The following SSTR5 variants were observed in gnomAD, a reference collection of about 807,000 sequenced individuals.
SSTR5 encodes the protein somatostatin receptor 5, also known as somatostatin receptor type 5.
A neutral mutation model predicts 0.3 loss-of-function variants in SSTR5; 1 was observed. The ratio of observed to expected loss-of-function variants is 2.98; its 90% CI spans 1.06 to 14.15. The LOEUF is 14.15. Among genes scored for constraint, SSTR5 ranks in the 30% most tolerant of loss-of-function variants. The pLI is 0.12. For synonymous variants in SSTR5, 256 were observed against 263.1 expected (o/e 0.97, Z 0.26); for missense variants, 516 against 543.2 (o/e 0.95, Z 0.50).
rs1350573646 is a variant in SSTR5, at chr16:1,080,352, C to T, written c.*389C>T. Among the ~76,000 whole-genome samples, 1 of 152,230 alleles carries T rather than the reference C, an allele frequency of 6.6e-6. No homozygotes were observed. The highest frequency in any genetic ancestry group is 2.4e-5 in the African/African-American group (1 of 41,458). ...TTCCTGACGGCGGAGCTGACCTGCC[C>T]GGCCCACCAGCTGCATGTCAGCTCC... On this transcript the variant is annotated 3_prime_UTR_variant, in exon 2 of 2. Coordinates refer to ENST00000689027, the MANE Select transcript of SSTR5 (RefSeq NM_001172560.3).
rs1212650556 is a variant in SSTR5, at chr16:1,079,978, G to A, written c.*15G>A. 2 of 1,584,430 alleles carry A rather than the reference G, an allele frequency of 1.3e-6. No homozygotes were observed. The highest frequency in any genetic ancestry group is 1.8e-5 in the Admixed American group (1 of 56,166). On this transcript the variant is annotated 3_prime_UTR_variant, in exon 2 of 2. Transcript: ENST00000689027. ...GCAAGCTGTGAGAGTGCAGGCGGGG[G>A]GTGGGCGGCCCCGTGTCACCCCCAG...
In SSTR5 at chr16:1,080,205, T is replaced by TG. The variant is rs920629744; in HGVS notation, c.*248dup. The TG allele has an allele frequency of 6.0e-5, 33 of 551,502 alleles. No individual in the cohort carries two copies. The highest frequency in any genetic ancestry group is 8.3e-5 in the Non-Finnish European group (26 of 314,048). The allele number at this position is 551,502 out of a possible 1,614,324, so 34.2% of individuals were successfully genotyped here. A position where few individuals can be genotyped will look rare whatever the true frequency, so the allele number is the denominator to read the frequency against. On this transcript the variant is annotated 3_prime_UTR_variant, in exon 2 of 2. Coordinates refer to ENST00000689027, the MANE Select transcript of SSTR5 (RefSeq NM_001172560.3). Reference sequence around the variant, plus strand: ...GAGGTAGGGGAGGTGGCCAGACCGGTGGGGGGCTCCGCCATGCCGTGCAAG... The same window carrying TG: ...GAGGTAGGGGAGGTGGCCAGACCGGTGGGGGGGCTCCGCCATGCCGTGCAAG...
In SSTR5 at chr16:1,079,019, T is replaced by C. The variant is rs1960281669; in HGVS notation, c.151T>C (p.Cys51Arg). Reference sequence around the variant, plus strand: ...GGTGCCCGTGCTGTACCTGCTGGTGTGTGCGGCCGGGCTGGGCGGGAACAC... The same window carrying C: ...GGTGCCCGTGCTGTACCTGCTGGTGCGTGCGGCCGGGCTGGGCGGGAACAC... The part of the protein sequence containing the change: ...VLVPVLYLLV[C>R]AAGLGGNTLV... The change falls in exon 2 of 2, where the codon TGT (cysteine) becomes CGT (arginine). Residue 51 changes from cysteine (C) to arginine (R), a missense_variant. Physicochemically the swap from Cys to Arg is radical, Grantham distance 180 (BLOSUM62 -3). Coordinates refer to ENST00000689027, the MANE Select transcript of SSTR5 (RefSeq NM_001172560.3). 4.4e-6 allele frequency: 7 copies of C among 1,604,670 alleles called. No individual in the cohort carries two copies. The highest frequency in any genetic ancestry group is 1.1e-5 in the South Asian group (1 of 90,408).
At chr16:1,075,579 C>T (rs968794007) in intron 1 of SSTR5, among the ~76,000 whole-genome samples, 29 of 152,138 alleles carry the variant, frequency 1.9e-4, no homozygotes, top group African/African-American at 6.0e-4. Flanking sequence ...GTCCCACCAT[C>T]GGTGGCTCCT....
intron 1 of SSTR5, among the ~76,000 whole-genome samples, chr16:1,074,964 G>A (rs573559221): frequency 2.0e-5 from 3 of 152,302 alleles, no homozygotes; most frequent in African/African-American, 4.8e-5. Context: ...GTGGTCAGGG[G>A]CCGGGGTCTC....
In SSTR5 at chr16:1,079,845, G is replaced by T; in HGVS notation, c.977G>T (p.Gly326Val). ...GTTCTGTGCCTCCGCAAGGGCTCTG[G>T]TGCCAAGGACGCTGACGCCACGGAG... The part of the protein sequence containing the change: ...QKVLCLRKGS[G>V]AKDADATEPR... Residue 326 changes from glycine to valine, a missense_variant, in exon 2 of 2, where the codon GGT becomes GTT. By Grantham distance (109) the Gly-to-Val change is moderately radical (BLOSUM62 -3). Coordinates refer to ENST00000689027, the MANE Select transcript of SSTR5 (RefSeq NM_001172560.3). 6.2e-7 allele frequency: 1 copy of T among 1,611,830 alleles called. No homozygotes were observed.
At position 1,080,939 on chromosome 16, in the gene SSTR5, C is replaced by T. The variant is rs556054930; in HGVS notation, c.*976C>T. 4.0e-5 allele frequency: 17 copies of T among 423,678 alleles called. No individual in the cohort carries two copies. The highest frequency in any genetic ancestry group is 1.4e-4 in the South Asian group (8 of 58,532). 26.2% of individuals were successfully genotyped at this position (423,678 alleles called of 1,614,324 possible). On this transcript the variant is annotated 3_prime_UTR_variant, in exon 2 of 2. Coordinates refer to ENST00000689027, the MANE Select transcript of SSTR5 (RefSeq NM_001172560.3). Reference sequence around the variant, plus strand: ...AGGGGCTCTGGCCCGGGAGAGGGAACGGGGACAGGAGCAGAGGACGGTCAT... The same window carrying T: ...AGGGGCTCTGGCCCGGGAGAGGGAATGGGGACAGGAGCAGAGGACGGTCAT...
At position 1,079,140 on chromosome 16, in the gene SSTR5, TGGG is replaced by T; in HGVS notation, c.274_276del (p.Gly92del). 1 of 1,612,676 alleles carries T rather than the reference TGGG, an allele frequency of 6.2e-7. No homozygotes were observed. Among genetic ancestry groups the T allele is most frequent in the Non-Finnish European group, 8.5e-7 (1 of 1,179,948 alleles). ...GCAGTGGCCGACGTCCTGTACATGC[TGGG>T]GCTGCCTTTCCTGGCCACGCAGAAC... On this transcript the variant is annotated inframe_deletion, in exon 2 of 2. Transcript: ENST00000689027.
Position 1,080,385 on chromosome 16 carries a change from C to T in SSTR5, c.*422C>T, listed in dbSNP as rs1194205469. Among the ~76,000 whole-genome samples, 2 of 152,244 alleles carry T rather than the reference C, an allele frequency of 1.3e-5. No individual in the cohort carries two copies. Among genetic ancestry groups the T allele is most frequent in the Admixed American group, 6.5e-5 (1 of 15,294 alleles). On this transcript the variant is annotated 3_prime_UTR_variant, in exon 2 of 2. Coordinates refer to ENST00000689027, the MANE Select transcript of SSTR5 (RefSeq NM_001172560.3). ...CAGCTGCATGTCAGCTCCGAGCCACCGGGTCCCCGTCCAAGGCTGCTCTGC... is the reference window on the plus strand; with the variant it reads ...CAGCTGCATGTCAGCTCCGAGCCACTGGGTCCCCGTCCAAGGCTGCTCTGC...
intron 1 of SSTR5, among the ~76,000 whole-genome samples, chr16:1,075,963 C>T: frequency 9.0e-5 from 1 of 11,104 alleles, no homozygotes; most frequent in Non-Finnish European, 2.2e-4. Context: ...CCCCACCTCC[C>T]CCTCTCTCTC....
intron 1 of SSTR5, among the ~76,000 whole-genome samples, chr16:1,074,825 A>T (rs1960161204): frequency 6.6e-6 from 1 of 152,110 alleles, no homozygotes; most frequent in South Asian, 2.1e-4. Context: ...TGCACGCAGC[A>T]CCCTGCACAC....
chr16:1,079,665 C>CCGTCAACAT lies in SSTR5; in HGVS notation c.805_813dup (p.Ile269_Asn271dup), dbSNP rs1289055648. On this transcript the variant is annotated inframe_insertion, in exon 2 of 2. Transcript: ENST00000689027. ...GCGGGATGTTGGCTGCCCTTCTTCACCGTCAACATCGTCAACCTGGCCGTG... is the reference window on the plus strand; with the variant it reads ...GCGGGATGTTGGCTGCCCTTCTTCACCGTCAACATCGTCAACATCGTCAACCTGGCCGTG... The CCGTCAACAT allele has an allele frequency of 6.8e-6, 11 of 1,612,512 alleles. No individual in the cohort carries two copies. Among genetic ancestry groups the CCGTCAACAT allele is most frequent in the Non-Finnish European group, 1.7e-6 (2 of 1,179,782 alleles).
intron 1 of SSTR5, among the ~76,000 whole-genome samples, chr16:1,075,279 G>A (rs943601692): frequency 6.6e-6 from 1 of 152,210 alleles, no homozygotes; most frequent in African/African-American, 2.4e-5. Flanking sequence ...CTGGCAGCCT[G>A]TGGAGCCCCT....
In SSTR5 at chr16:1,079,628, G is replaced by T; in HGVS notation, c.760G>T (p.Val254Leu). 1 of 1,612,326 alleles carries T rather than the reference G, an allele frequency of 6.2e-7. No individual in the cohort carries two copies. Among genetic ancestry groups the T allele is most frequent in the Admixed American group, 1.7e-5 (1 of 59,994 alleles). Residue 254 changes from valine to leucine, a missense_variant, in exon 2 of 2, where the codon GTG (valine) becomes TTG (leucine). By Grantham distance (32) the Val-to-Leu change is conservative (BLOSUM62 1). Transcript: ENST00000689027. ...GGTGACGCGCATGGTGTTGGTGGTG[G>T]TGCTGGTGTTTGCGGGATGTTGGCT... is the stretch of plus-strand genomic sequence containing the variant. ...RKVTRMVLVV[V>L]LVFAGCWLPF...
chr16:1,074,234 G>C (rs1164888473), intron 1 of SSTR5, among the ~76,000 whole-genome samples: 1 of 152,234 alleles, frequency 6.6e-6, no homozygotes, highest in Non-Finnish European at 1.5e-5. Context: ...TGTAGTCTTA[G>C]CTAGGGTGTC....
rs148660140 is a variant in SSTR5 at position 1,077,406 on chromosome 16, G to A, written c.-27-1436G>A. Reference sequence around the variant, plus strand: ...CAACCCAAACATCCGGACTTCCTCCGCCCCACTCGTCAGGGGAGGCATTGA... The same window carrying A: ...CAACCCAAACATCCGGACTTCCTCCACCCCACTCGTCAGGGGAGGCATTGA... On this transcript the variant is annotated intron_variant, in intron 1 of 1. Coordinates refer to ENST00000689027, the MANE Select transcript of SSTR5 (RefSeq NM_001172560.3). 1.4e-4 allele frequency among the ~76,000 whole-genome samples: 21 copies of A among 152,266 alleles called. No individual in the cohort carries two copies. In the East Asian group the frequency reaches 3.1e-3, roughly 22 times the overall value.
At chr16:1,074,398 C>G (rs1397385254) in intron 1 of SSTR5, among the ~76,000 whole-genome samples, 2 of 152,204 alleles carry the variant, frequency 1.3e-5, no homozygotes, top group Non-Finnish European at 2.9e-5. Flanking sequence ...ATCGCTGCCC[C>G]CCATGAAGGA....
At chr16:1,074,840 GCTCA>G (rs1354542269) in intron 1 of SSTR5, among the ~76,000 whole-genome samples, 1 of 152,194 alleles carries the variant, frequency 6.6e-6, no homozygotes, top group Non-Finnish European at 1.5e-5. Context: ...GCACACAGAA[GCTCA>G]CTCAGTTTCA....
At position 1,080,318 on chromosome 16, in the gene SSTR5, G is replaced by A. The variant is rs867850508; in HGVS notation, c.*355G>A. On this transcript the variant is annotated 3_prime_UTR_variant, in exon 2 of 2. Transcript: ENST00000689027. Reference sequence around the variant, plus strand: ...GACTTTTCCAGAAGGCCGGCCAGGCGAGAGGGTCTTCCTGACGGCGGAGCT... The same window carrying A: ...GACTTTTCCAGAAGGCCGGCCAGGCAAGAGGGTCTTCCTGACGGCGGAGCT... 1.3e-5 allele frequency among the ~76,000 whole-genome samples: 2 copies of A among 152,242 alleles called. No individual in the cohort carries two copies. Among genetic ancestry groups the A allele is most frequent in the East Asian group, 1.9e-4 (1 of 5,196 alleles).
Sources: allele counts gnomAD v4.1 joint callset (sites outside exome capture counted in the v4.1 genomes callset), GRCh38; gene constraint gnomAD v4.1.1; transcripts MANE v1.5; gene names NCBI Gene and HGNC (gene_info 2026-07-23, HGNC 2026-07-21).